The following PIGO variants were observed in gnomAD, a reference collection of about 807,000 sequenced individuals.
PIGO encodes GPI ethanolamine phosphate transferase 3, catalytic subunit.
Under a neutral mutation model 86.9 loss-of-function variants are expected in PIGO, and 66 were observed. The observed-to-expected ratio is 0.76, with a 90% CI of 0.62 to 0.93. The LOEUF (loss-of-function observed/expected upper bound fraction) is 0.93. PIGO is among the 40% of genes least tolerant of loss of function. The pLI, the probability that PIGO is intolerant of heterozygous loss-of-function variation, is 0.00. For missense variants in PIGO, 1,202 were observed against 1,359.1 expected (o/e 0.88, Z 1.82); for synonymous variants, 570 against 556.4 (o/e 1.02, Z -0.34).
In PIGO at chr9:35,089,428, G is replaced by A. The variant is rs1376963539; in HGVS notation, c.3092C>T (p.Ala1031Val). The change falls in exon 10 of 11, where the codon GCC (alanine) becomes GTC (valine). Residue 1031 changes from alanine (A) to valine (V), a missense_variant. Ala to Val is a moderately conservative substitution (Grantham distance 64). Transcript: ENST00000378617. ...GIQILACALA[A>V]SILRRHLMVW... Reference sequence around the variant, plus strand: ...CATGAGATGCCTGCGAAGGATGGAGGCTGCCAAGGCACAGGCCAGAATCTA... The same window carrying A: ...CATGAGATGCCTGCGAAGGATGGAGACTGCCAAGGCACAGGCCAGAATCTA... The A allele has an allele frequency of 6.2e-7, 1 of 1,614,106 alleles. No homozygotes were observed. The highest frequency in any genetic ancestry group is 8.5e-7 in the Non-Finnish European group (1 of 1,180,056).
chr9:35,090,046 G>C lies in PIGO; in HGVS notation c.3069+20C>G, dbSNP rs200681960. The C allele has an allele frequency of 1.9e-6, 3 of 1,599,994 alleles. No homozygotes were observed. Among genetic ancestry groups the C allele is most frequent in the Non-Finnish European group, 2.6e-6 (3 of 1,169,092 alleles). ...CACAGAGAAAAAACACCAACTCCCT[G>C]ATCTCTCTCCTACACCCACCTGAAT... is the stretch of plus-strand genomic sequence containing the variant. On this transcript the variant is annotated intron_variant, in intron 9 of 10. Transcript: ENST00000378617.
intron 3 of PIGO, 54 bp downstream of exon 3, chr9:35,094,162 G>A: frequency 6.4e-7 from 1 of 1,561,948 alleles, no homozygotes; most frequent in Non-Finnish European, 8.6e-7. Flanking sequence ...GTGGACTAAA[G>A]CAGTTCTCCC....
chr9:35,091,409 A>G lies in PIGO; in HGVS notation c.2478T>C (p.Tyr826=), dbSNP rs756913484. 6.2e-7 allele frequency: 1 copy of G among 1,614,172 alleles called. No individual in the cohort carries two copies. The highest frequency in any genetic ancestry group is 8.5e-7 in the Non-Finnish European group (1 of 1,180,030). ...CAGCTGAGTAGACACTCCCCAACTG[A>G]TAAGCAGCCACAGTCAGGGGACCCT... ...KSQGPLTVAA[Y]QLGSVYSAAM... is the part of the protein sequence containing the mutation. Residue 826 remains tyrosine (Y), a synonymous_variant, in exon 7 of 11, where the codon TAT becomes TAC. Transcript: ENST00000378617.
At chr9:35,095,969 A>C (rs1249395111) in intron 1 of PIGO, 186 bp downstream of exon 1, 1 of 181,020 alleles carries the variant, frequency 5.5e-6, no homozygotes, top group African/African-American at 2.4e-5. Context: ...GAACCACTGC[A>C]CTAGAGTCTG....
In PIGO at chr9:35,092,096, A is replaced by C. The variant is rs780802124; in HGVS notation, c.1791T>G (p.Pro597=). The C allele has an allele frequency of 6.2e-7, 1 of 1,614,240 alleles. No individual in the cohort carries two copies. Among genetic ancestry groups the C allele is most frequent in the South Asian group, 1.1e-5 (1 of 91,088 alleles). Residue 597 remains proline (P), a synonymous_variant, in exon 7 of 11, where the codon CCT becomes CCG. Transcript: ENST00000378617. ...CAAGGCGGGGCATTGTGAGTAGCTT[A>C]GGTGGAAGCAGCTGGCCCTCCCAGT... ...QLHWEGQLLP[P]KLLTMPRLGT...
In PIGO at chr9:35,092,144, G is replaced by A. The variant is rs772298660; in HGVS notation, c.1743C>T (p.Ile581=). The A allele has an allele frequency of 6.2e-7, 1 of 1,614,116 alleles. No individual in the cohort carries two copies. The highest frequency in any genetic ancestry group is 2.2e-5 in the East Asian group (1 of 44,898). ...AGTGAAGCTGGACAACCAGGAGCAGGATGAATGAGCCCAAAAGGAAGGGGG... is the reference window on the plus strand; with the variant it reads ...AGTGAAGCTGGACAACCAGGAGCAGAATGAATGAGCCCAAAAGGAAGGGGG... ...RATPFLLGSF[I]LLLVVQLHWE... The change falls in exon 7 of 11, where the codon ATC becomes ATT. Residue 581 remains isoleucine, a synonymous_variant. Transcript: ENST00000378617.
Position 35,093,163 on chromosome 9 carries a change from AG to A in PIGO, c.985del (p.Leu329CysfsTer15). The A allele has an allele frequency of 6.2e-7, 1 of 1,614,188 alleles. No homozygotes were observed. The highest frequency in any genetic ancestry group is 8.5e-7 in the Non-Finnish European group (1 of 1,179,990). Reference protein sequence around the residue: ...PQVSLVPTLALLLGLPIPFGN... With the variant: ...PQVSLVPTLAXLLGLPIPFGN... ...AAATGGGATGGGCAGGCCCAGCAGC[AG>A]GGCCAGCGTGGGCACAAGGCTAACT... On this transcript the variant is annotated frameshift_variant, in exon 6 of 11. Coordinates refer to ENST00000378617, the MANE Select transcript of PIGO (RefSeq NM_032634.4). LOFTEE classifies it high-confidence loss of function.
At position 35,090,531 on chromosome 9, in the gene PIGO, G is replaced by C; in HGVS notation, c.2789C>G (p.Ser930Cys). ...TAGCAAAGCAGGCAGCCAAGTACAG[G>C]AGCCATGACCCTCTGGGAATCCCAC... The part of the protein sequence containing the change: ...AFVGFPEGHG[S>C]CTWLPALLVG... Residue 930 changes from serine (S) to cysteine (C), a missense_variant, in exon 8 of 11, where the codon TCC becomes TGC. Physicochemically the swap from Ser to Cys is moderately radical, Grantham distance 112. Transcript: ENST00000378617. The C allele has an allele frequency of 6.2e-7, 1 of 1,614,218 alleles. No individual in the cohort carries two copies. Among genetic ancestry groups the C allele is most frequent in the Non-Finnish European group, 8.5e-7 (1 of 1,180,032 alleles).
At position 35,090,518 on chromosome 9, in the gene PIGO, C is replaced by G; in HGVS notation, c.2802G>C (p.Leu934=). The G allele has an allele frequency of 6.2e-7, 1 of 1,613,976 alleles. No individual in the cohort carries two copies. The highest frequency in any genetic ancestry group is 8.5e-7 in the Non-Finnish European group (1 of 1,179,838). Residue 934 remains leucine, a synonymous_variant, in exon 8 of 11, where the codon CTG becomes CTC. Transcript: ENST00000378617. The part of the protein sequence containing the change: ...FPEGHGSCTW[L]PALLVGANTF... ...TGTTGGCTCCCACTAGCAAAGCAGGCAGCCAAGTACAGGAGCCATGACCCT... is the reference window on the plus strand; with the variant it reads ...TGTTGGCTCCCACTAGCAAAGCAGGGAGCCAAGTACAGGAGCCATGACCCT...
In PIGO at chr9:35,093,188, C is replaced by G. The variant is rs1829514232; in HGVS notation, c.961G>C (p.Val321Leu). The G allele has an allele frequency of 6.2e-7, 1 of 1,613,002 alleles. No homozygotes were observed. The highest frequency in any genetic ancestry group is 1.7e-5 in the Admixed American group (1 of 59,966). The change falls in exon 6 of 11, where the codon GTT becomes CTT. Residue 321 changes from valine to leucine, a missense_variant. Physicochemically the swap from Val to Leu is conservative, Grantham distance 32. Coordinates refer to ENST00000378617, the MANE Select transcript of PIGO (RefSeq NM_032634.4). ...PPEEPEVIPQ[V>L]SLVPTLALLL... ...AGGGCCAGCGTGGGCACAAGGCTAA[C>G]TTGAGGAATCACCTCTGGCTCCTAA...
In PIGO at chr9:35,092,026, C is replaced by T. The variant is rs780889930; in HGVS notation, c.1861G>A (p.Ala621Thr). The T allele has an allele frequency of 6.2e-7, 1 of 1,614,228 alleles. No individual in the cohort carries two copies. Among genetic ancestry groups the T allele is most frequent in the East Asian group, 2.2e-5 (1 of 44,880 alleles). ...TNPPRHNGAY[A>T]LRLGIGLLLC... Reference sequence around the variant, plus strand: ...AGCAACCCAATTCCAAGCCTCAGGGCATATGCACCATTGTGCCGTGGGGGG... The same window carrying T: ...AGCAACCCAATTCCAAGCCTCAGGGTATATGCACCATTGTGCCGTGGGGGG... The change falls in exon 7 of 11, where the codon GCC becomes ACC. Residue 621 changes from alanine (A) to threonine (T), a missense_variant. Transcript: ENST00000378617.
chr9:35,090,976 C>T, intron 7 of PIGO: 2 of 572,762 alleles, frequency 3.5e-6, no homozygotes, highest in South Asian at 2.3e-5. Flanking sequence ...AAGAAATGTG[C>T]TCATGAGGAT....
chr9:35,094,271 A>G lies in PIGO; in HGVS notation c.600T>C (p.Asn200=). 6.2e-7 allele frequency: 1 copy of G among 1,608,160 alleles called. No individual in the cohort carries two copies. The highest frequency in any genetic ancestry group is 1.1e-5 in the South Asian group (1 of 90,450). The change falls in exon 3 of 11, where the codon AAT becomes AAC. Residue 200 remains asparagine, a synonymous_variant. Transcript: ENST00000378617. ...TGTCCACTGTGTCTAGGTCTCTGAC[A>G]TTGAAGGATGGGAAGAAGAAAGCTT... The part of the protein sequence containing the change: ...FSKAFFFPSF[N]VRDLDTVDNG...
At position 35,096,165 on chromosome 9, in the gene PIGO, T is replaced by G. The variant is rs549552966; in HGVS notation, c.-12A>C. ...GTCAGGCTCTCTTACACGCCGTTTC[T>G]GCGCCTCTCCCCTCGCCAATCTCAA... On this transcript the variant is annotated 5_prime_UTR_variant, in exon 1 of 11. Transcript: ENST00000378617. The G allele has an allele frequency of 1.3e-5, 2 of 152,234 alleles. No homozygotes were observed. The highest frequency in any genetic ancestry group is 4.8e-5 in the African/African-American group (2 of 41,458). The allele number at this position is 152,234 out of a possible 1,614,324, so 9.4% of individuals were successfully genotyped here.
intron 7 of PIGO, 195 bp from the exon 8 acceptor site, chr9:35,090,867 T>C: frequency 1.6e-6 from 1 of 623,028 alleles, no homozygotes; most frequent in Non-Finnish European, 2.7e-6. Context: ...ATCAGGCTTA[T>C]CTGAATCCTG....
rs1253410327 is a variant in PIGO, at chr9:35,095,272, T to C, written c.294A>G (p.Leu98=). The change falls in exon 2 of 11, where the codon CTA becomes CTG. Residue 98 remains leucine (L), a synonymous_variant. Coordinates refer to ENST00000378617, the MANE Select transcript of PIGO (RefSeq NM_032634.4). ...AGGAGCTTAGTTTGCCCAGGAAGGG[T>C]AGGGAGACAGGAGGCTCTCTAGGCA... ...SHVPREPPVS[L]PFLGKLSSLQ... 1 of 1,613,830 alleles carries C rather than the reference T, an allele frequency of 6.2e-7. No individual in the cohort carries two copies. Among genetic ancestry groups the C allele is most frequent in the African/African-American group, 1.3e-5 (1 of 74,842 alleles).
chr9:35,094,424 A>G lies in PIGO; in HGVS notation c.512-65T>C, dbSNP rs1587174782. 4 of 1,555,844 alleles carry G rather than the reference A, an allele frequency of 2.6e-6. No individual in the cohort carries two copies. In the East Asian group the frequency reaches 9.2e-5, roughly 36 times the overall value. Reference sequence around the variant, plus strand: ...GTCAGGGTTAGGAGAAAAGAGGAAAAGAGGCCCTTTAAAGACCCATCAGAA... The same window carrying G: ...GTCAGGGTTAGGAGAAAAGAGGAAAGGAGGCCCTTTAAAGACCCATCAGAA... On this transcript the variant is annotated intron_variant, in intron 2 of 10. Transcript: ENST00000378617.
Position 35,093,449 on chromosome 9 carries a change from G to A in PIGO, c.911C>T (p.Thr304Ile). The A allele has an allele frequency of 6.2e-7, 1 of 1,614,188 alleles. No individual in the cohort carries two copies. Among genetic ancestry groups the A allele is most frequent in the South Asian group, 1.1e-5 (1 of 91,078 alleles). ...VSAALFLYSP[T>I]AVFPSTPPEE... ...TGGTGGGGTGCTGGGGAAGACTGCT[G>A]TGGGGCTATACAGAAAGAGAGCAGC... Residue 304 changes from threonine to isoleucine, a missense_variant, in exon 5 of 11, where the codon ACA (threonine) becomes ATA (isoleucine). Transcript: ENST00000378617.
chr9:35,089,604 G>T, intron 9 of PIGO, 154 bp from the exon 10 acceptor site: 1 of 1,467,690 alleles, frequency 6.8e-7, no homozygotes, highest in Non-Finnish European at 9.0e-7. Flanking sequence ...GGAGTTAGGA[G>T]ACCTACTTCC....
Sources: gnomAD v4.1 joint callset for allele counts on GRCh38, gnomAD v4.1.1 for gene constraint, MANE v1.5 for transcripts, NCBI Gene and HGNC (gene_info 2026-07-23, HGNC 2026-07-21) for gene names.